Variants in CNTNAP2 observed in about 807,000 individuals in gnomAD.
CNTNAP2 encodes contactin associated protein 2.
Under a neutral mutation model 155.2 loss-of-function variants are expected in CNTNAP2, and 98 were observed. The ratio of observed to expected loss-of-function variants is 0.63; its 90% CI spans 0.54 to 0.75. The LOEUF (loss-of-function observed/expected upper bound fraction) is 0.75. CNTNAP2 is among the 30% of genes least tolerant of loss of function. The pLI is 0.00. For missense variants in CNTNAP2, 1,727 were observed against 1,688.1 expected, an observed-to-expected ratio of 1.02 and a Z score of -0.40; for synonymous variants, 651 against 631.2, an observed-to-expected ratio of 1.03 and a Z score of -0.47.
intron 13 of CNTNAP2, among the ~76,000 whole-genome samples, chr7:147,641,306 AT>A (rs1193368500): frequency 6.6e-6 from 1 of 152,238 alleles, no homozygotes. Context: ...TGCTAGAATT[AT>A]AGACAGAGTA....
chr7:147,444,287 C>T (rs1479692766), intron 10 of CNTNAP2, among the ~76,000 whole-genome samples: 2 of 152,184 alleles, frequency 1.3e-5, no homozygotes, highest in African/African-American at 2.4e-5. Context: ...TTTGAGAACA[C>T]AAGAGATCAA....
At chr7:146,365,139 A>T (rs983454820) in intron 1 of CNTNAP2, among the ~76,000 whole-genome samples, 2 of 152,040 alleles carry the variant, frequency 1.3e-5, no homozygotes, top group Admixed American at 6.5e-5. Flanking sequence ...CTTTTATCCA[A>T]CTGCCTCCAA....
chr7:146,515,039 C>G (rs1797520726), intron 1 of CNTNAP2, among the ~76,000 whole-genome samples: 1 of 152,002 alleles, frequency 6.6e-6, no homozygotes, highest in Non-Finnish European at 1.5e-5. Flanking sequence ...TGTGAAAAGG[C>G]TGTCTATGGG....
At chr7:147,288,334 C>T (rs903874242) in intron 8 of CNTNAP2, among the ~76,000 whole-genome samples, 1 of 152,186 alleles carries the variant, frequency 6.6e-6, no homozygotes, top group Non-Finnish European at 1.5e-5. Flanking sequence ...CTTCTTTACT[C>T]TTATACCCCT....
chr7:147,258,420 C>A (rs938344039), intron 8 of CNTNAP2, among the ~76,000 whole-genome samples: 1 of 152,072 alleles, frequency 6.6e-6, no homozygotes, highest in Non-Finnish European at 1.5e-5. Flanking sequence ...ATTAACTGGA[C>A]TATCTCCATT....
intron 16 of CNTNAP2, among the ~76,000 whole-genome samples, chr7:148,140,421 CT>C (rs750371666): frequency 0.014 from 1,860 of 135,338 alleles, 33 homozygotes; most frequent in African/African-American, 0.043. Context: ...TTTTCTTTTT[CT>C]TTTTTTTTTT....
At chr7:147,142,857 A>G (rs145747066) in intron 8 of CNTNAP2, among the ~76,000 whole-genome samples, 75 of 152,260 alleles carry the variant, frequency 4.9e-4, no homozygotes, top group African/African-American at 1.8e-3. Flanking sequence ...ACTTTGCGTC[A>G]TATTGACTAC....
intron 3 of CNTNAP2, among the ~76,000 whole-genome samples, chr7:146,936,916 G>A (rs150339260): frequency 6.6e-6 from 1 of 152,136 alleles, no homozygotes. Context: ...CCTGATTCAC[G>A]AAGGTTTCAT....
chr7:147,584,707 T>C (rs1235439548), intron 12 of CNTNAP2, among the ~76,000 whole-genome samples: 2 of 152,190 alleles, frequency 1.3e-5, no homozygotes, highest in South Asian at 2.1e-4. Context: ...CTATTACCGA[T>C]GTGAAAAATT....
At chr7:147,021,060 C>T (rs934481268) in intron 3 of CNTNAP2, among the ~76,000 whole-genome samples, 4 of 152,118 alleles carry the variant, frequency 2.6e-5, no homozygotes, top group Admixed American at 1.3e-4. Context: ...TAAGGAATCA[C>T]GCAAGTTCAA....
chr7:146,394,276 A>G (rs1482202952), intron 1 of CNTNAP2, among the ~76,000 whole-genome samples: 1 of 152,136 alleles, frequency 6.6e-6, no homozygotes, highest in Non-Finnish European at 1.5e-5. Context: ...AAGGAGCGCT[A>G]GGGGAGAGGT....
At chr7:146,592,077 T>C (rs1426876196) in intron 1 of CNTNAP2, among the ~76,000 whole-genome samples, 1 of 152,174 alleles carries the variant, frequency 6.6e-6, no homozygotes, top group East Asian at 1.9e-4. Flanking sequence ...AGGATGTCTG[T>C]TTTTGCCAAT....
intron 1 of CNTNAP2, among the ~76,000 whole-genome samples, chr7:146,391,717 A>G (rs553668171): frequency 6.6e-6 from 1 of 152,094 alleles, no homozygotes; most frequent in Non-Finnish European, 1.5e-5. Context: ...CATGGCTTCC[A>G]GCTCCATCTA....
chr7:148,132,208 A>G (rs1435241717), intron 16 of CNTNAP2, among the ~76,000 whole-genome samples: 1 of 152,188 alleles, frequency 6.6e-6, no homozygotes, highest in Non-Finnish European at 1.5e-5. Flanking sequence ...GATGCATTTT[A>G]CTGAAATTAC....
intron 3 of CNTNAP2, among the ~76,000 whole-genome samples, chr7:146,985,813 G>T (rs1396632395): frequency 2.0e-5 from 3 of 152,022 alleles, no homozygotes; most frequent in African/African-American, 7.2e-5. Flanking sequence ...CAACATTAAA[G>T]CTATTAAACA....
intron 11 of CNTNAP2, among the ~76,000 whole-genome samples, chr7:147,487,960 T>G (rs894881483): frequency 1.3e-5 from 2 of 152,156 alleles, no homozygotes; most frequent in Non-Finnish European, 2.9e-5. Flanking sequence ...TGTTGTCTTC[T>G]CCAAATGAAG....
intron 1 of CNTNAP2, among the ~76,000 whole-genome samples, chr7:146,396,622 C>T (rs921522165): frequency 5.3e-5 from 8 of 151,172 alleles, no homozygotes; most frequent in African/African-American, 4.9e-5. Context: ...AATTAAAAGT[C>T]GCATTATTAT....
intron 18 of CNTNAP2, among the ~76,000 whole-genome samples, chr7:148,213,070 C>T (rs775736787): frequency 6.6e-6 from 1 of 152,142 alleles, no homozygotes; most frequent in Admixed American, 6.5e-5. Flanking sequence ...AGCTGATAAA[C>T]GCATCATGTC....
At chr7:147,852,395 A>G (rs1054888190) in intron 13 of CNTNAP2, among the ~76,000 whole-genome samples, 2 of 152,166 alleles carry the variant, frequency 1.3e-5, no homozygotes, top group Non-Finnish European at 2.9e-5. Context: ...TGATTCCTTG[A>G]TCTACGAGTG....
Sources: allele counts gnomAD v4.1 joint callset (sites outside exome capture counted in the v4.1 genomes callset), GRCh38; gene constraint gnomAD v4.1.1; transcripts MANE v1.5; gene names NCBI Gene and HGNC (gene_info 2026-07-23, HGNC 2026-07-21).